The following LMOD1 variants were observed in gnomAD, a reference collection of about 807,000 sequenced individuals.
LMOD1 encodes leiomodin 1, also known as leiomodin-1.
LMOD1 carries 8 observed loss-of-function variants against 36.5 expected under a neutral mutation model. That is an observed-to-expected ratio of 0.22 (90% CI 0.13 to 0.40). The LOEUF (loss-of-function observed/expected upper bound fraction) is 0.40, where lower values mean the gene tolerates loss of function less well. Among genes scored for constraint, LMOD1 ranks in the 10% least tolerant of loss-of-function variants. The probability of loss-of-function intolerance (pLI) is 1.00; values close to 1 mark genes in which losing one functional copy is unlikely to be tolerated. For missense variants in LMOD1, 630 were observed against 751.1 expected (o/e 0.84, Z 1.88); for synonymous variants, 284 against 288.7 (o/e 0.98, Z 0.17).
intron 2 of LMOD1, among the ~76,000 whole-genome samples, chr1:201,898,981 G>A (rs536767256): frequency 6.6e-6 from 1 of 152,322 alleles, no homozygotes; most frequent in Admixed American, 6.5e-5. Context: ...CAGAATGAAA[G>A]AGAAGCATGG....
chr1:201,902,364 C>T (rs979240516), intron 1 of LMOD1, among the ~76,000 whole-genome samples: 1 of 151,726 alleles, frequency 6.6e-6, no homozygotes. Context: ...CAATTTTGAC[C>T]CCCGAGACAC....
chr1:201,927,483 T>G (rs1249263457), intron 1 of LMOD1, among the ~76,000 whole-genome samples: 1 of 151,712 alleles, frequency 6.6e-6, no homozygotes, highest in Admixed American at 6.6e-5. Flanking sequence ...GGAGAATCGC[T>G]TGAACCCAGA....
chr1:201,923,238 A>C (rs1180359256), intron 1 of LMOD1, among the ~76,000 whole-genome samples: 1 of 152,108 alleles, frequency 6.6e-6, no homozygotes, highest in Non-Finnish European at 1.5e-5. Context: ...GGTGACAGGA[A>C]AGCTGCTGCT....
chr1:201,910,387 C>T (rs1204334535), intron 1 of LMOD1, among the ~76,000 whole-genome samples: 1 of 152,060 alleles, frequency 6.6e-6, no homozygotes, highest in Non-Finnish European at 1.5e-5. Flanking sequence ...GATCTTCCCA[C>T]CTCAGGCTCC....
chr1:201,924,773 G>A (rs942568753), intron 1 of LMOD1, among the ~76,000 whole-genome samples: 1 of 152,112 alleles, frequency 6.6e-6, no homozygotes, highest in Non-Finnish European at 1.5e-5. Flanking sequence ...GCCTGCAGTC[G>A]TAGCTACTTG....
intron 1 of LMOD1, among the ~76,000 whole-genome samples, chr1:201,940,346 C>G (rs1402272249): frequency 1.3e-5 from 2 of 151,634 alleles, no homozygotes; most frequent in African/African-American, 4.8e-5. Flanking sequence ...GCCACCACAC[C>G]CAGTTAATTT....
chr1:201,911,504 A>C (rs960059416), intron 1 of LMOD1, among the ~76,000 whole-genome samples: 34 of 152,154 alleles, frequency 2.2e-4, no homozygotes, highest in African/African-American at 8.2e-4. Flanking sequence ...ACCTGTACTA[A>C]AAATACAAAA....
chr1:201,914,102 C>A (rs576942077), intron 1 of LMOD1, among the ~76,000 whole-genome samples: 2 of 152,240 alleles, frequency 1.3e-5, no homozygotes, highest in African/African-American at 2.4e-5. Flanking sequence ...TTGTTCTATC[C>A]AGCACGTCAG....
intron 1 of LMOD1, among the ~76,000 whole-genome samples, chr1:201,902,499 T>C (rs896642917): frequency 2.6e-5 from 4 of 151,138 alleles, no homozygotes; most frequent in African/African-American, 9.8e-5. Flanking sequence ...CAGGGTGGAG[T>C]GTGATGGCGC....
chr1:201,912,695 C>A (rs2102915451), intron 1 of LMOD1, among the ~76,000 whole-genome samples: 1 of 152,116 alleles, frequency 6.6e-6, no homozygotes, highest in Admixed American at 6.5e-5. Context: ...CCCATCTCTA[C>A]TAAAAACACA....
chr1:201,939,921 C>T (rs1287677804), intron 1 of LMOD1, among the ~76,000 whole-genome samples: 1 of 152,136 alleles, frequency 6.6e-6, no homozygotes, highest in African/African-American at 2.4e-5. Flanking sequence ...GAAAGAGAGA[C>T]TGAAGGAGGA....
intron 1 of LMOD1, among the ~76,000 whole-genome samples, chr1:201,937,534 T>G (rs1039083606): frequency 1.3e-5 from 2 of 150,982 alleles, no homozygotes; most frequent in East Asian, 3.9e-4. Flanking sequence ...GAGATTGAGG[T>G]GGGCAGATCA....
rs1681316546 is a variant in LMOD1 at position 201,901,585 on chromosome 1, CATATATATATGTATATATATATAT to C, written c.262-858_262-835del. 2.0e-3 allele frequency among the ~76,000 whole-genome samples: 10 copies of C among 4,960 alleles called. No homozygotes were observed. The Admixed American group carries it at 0.021, about 11-fold the overall frequency. 3.3% of individuals were successfully genotyped at this position (4,960 alleles called of 152,430 possible). A position where few individuals can be genotyped will look rare whatever the true frequency, so the allele number is the denominator to read the frequency against. On this transcript the variant is annotated intron_variant, in intron 1 of 2. Transcript: ENST00000367288. ...ATATGTATATATATATATATATATA[CATATATATATGTATATATATATAT>C]ACACATATATATGTGTGTGTGTATA...
chr1:201,907,593 G>T (rs1416412047), intron 1 of LMOD1, among the ~76,000 whole-genome samples: 1 of 152,206 alleles, frequency 6.6e-6, no homozygotes, highest in Non-Finnish European at 1.5e-5. Context: ...TGCCTGGAGG[G>T]CTACAAGCTG....
chr1:201,907,179 G>C (rs914050522), intron 1 of LMOD1, among the ~76,000 whole-genome samples: 1 of 152,242 alleles, frequency 6.6e-6, no homozygotes, highest in African/African-American at 2.4e-5. Flanking sequence ...TCTTTAGACA[G>C]TTGGCCTATG....
At chr1:201,923,228 G>A (rs913444030) in intron 1 of LMOD1, among the ~76,000 whole-genome samples, 3 of 152,058 alleles carry the variant, frequency 2.0e-5, no homozygotes, top group East Asian at 1.9e-4. Flanking sequence ...AGTGCAGCAC[G>A]GTGACAGGAA....
chr1:201,924,718 A>T (rs1346902639), intron 1 of LMOD1, among the ~76,000 whole-genome samples: 1 of 88,764 alleles, frequency 1.1e-5, no homozygotes, highest in Non-Finnish European at 2.5e-5. Flanking sequence ...AGAAAGAAAG[A>T]AAGAAAGAAA....
chr1:201,912,082 G>T (rs1681505374), intron 1 of LMOD1, among the ~76,000 whole-genome samples: 1 of 152,194 alleles, frequency 6.6e-6, no homozygotes, highest in Admixed American at 6.5e-5. Context: ...GAGCCAGGAG[G>T]TTGCACCTGG....
chr1:201,925,222 A>G (rs1270940695), intron 1 of LMOD1, among the ~76,000 whole-genome samples: 3 of 151,896 alleles, frequency 2.0e-5, no homozygotes, highest in African/African-American at 7.3e-5. Flanking sequence ...CAAAAAAAAA[A>G]GAAAAAAAAA....
Sources: gnomAD v4.1 joint callset for allele counts (sites outside exome capture counted in the v4.1 genomes callset) on GRCh38, gnomAD v4.1.1 for gene constraint, MANE v1.5 for transcripts, NCBI Gene and HGNC (gene_info 2026-07-23, HGNC 2026-07-21) for gene names.